Variants in COL22A1 observed in about 807,000 individuals in gnomAD.
The protein encoded by COL22A1 is collagen alpha-1(XXII) chain.
In COL22A1, 221 loss-of-function variants were observed where a neutral mutation model predicts 248.9. The ratio of observed to expected loss-of-function variants is 0.89; its 90% CI spans 0.80 to 0.99. COL22A1 has a LOEUF of 0.99. COL22A1 is among the 50% of genes least tolerant of loss of function. The pLI is 0.00. For synonymous variants in COL22A1, 891 were observed against 793.4 expected (o/e 1.12, Z -2.07); for missense variants, 2,240 against 2,179.0 (o/e 1.03, Z -0.56).
At chr8:138,806,927 G>A (rs548404173) in intron 10 of COL22A1, among the ~76,000 whole-genome samples, 30 of 152,296 alleles carry the variant, frequency 2.0e-4, no homozygotes, top group East Asian at 1.9e-4. Context: ...GGCATGTGAC[G>A]GTCAGGTCCT....
At chr8:138,807,919 T>A in intron 9 of COL22A1, 107 bp from the exon 10 acceptor site, 1 of 1,142,214 alleles carries the variant, frequency 8.8e-7, no homozygotes, top group Non-Finnish European at 1.3e-6. Flanking sequence ...AATGGCTTAG[T>A]AAGCCCAGCG....
At chr8:138,696,863 T>C (rs1189680933) in intron 32 of COL22A1, among the ~76,000 whole-genome samples, 1 of 152,222 alleles carries the variant, frequency 6.6e-6, no homozygotes, top group Non-Finnish European at 1.5e-5. Context: ...AATACCATTA[T>C]TTCTAGCATG....
chr8:138,860,659 T>C (rs1279380430), intron 3 of COL22A1, among the ~76,000 whole-genome samples: 1 of 152,018 alleles, frequency 6.6e-6, no homozygotes, highest in African/African-American at 2.4e-5. Context: ...AATGCACACA[T>C]TAGCATGGCA....
chr8:138,677,522 C>T (rs1056634199), intron 40 of COL22A1, among the ~76,000 whole-genome samples: 3 of 96,342 alleles, frequency 3.1e-5, no homozygotes, highest in African/African-American at 1.5e-4. Context: ...ACGCCTTATT[C>T]GTAATTTCAA....
At position 138,841,829 on chromosome 8, in the gene COL22A1, A is replaced by G. The variant is rs142437959; in HGVS notation, c.733+2255T>C. On this transcript the variant is annotated intron_variant, in intron 4 of 64. Transcript: ENST00000303045. ...CTTTCAACTCTTCCAGCCACCAAGT[A>G]GATGCAATGACAGCAAAAGTGCTAT... Among the ~76,000 whole-genome samples the G allele has an allele frequency of 4.1e-3, 620 of 152,326 alleles. 2 individuals are homozygous for G. The highest frequency in any genetic ancestry group is 0.014 in the African/African-American group (590 of 41,582).
Position 138,720,585 on chromosome 8 carries a change from C to G in COL22A1, c.2355+154G>C, listed in dbSNP as rs1829795943. The stretch of plus-strand genomic sequence containing the variant: ...TCATGTTGTCATCCTGGTTGGAGCC[C>G]TTAACCCTGCCCCTTTTCAAGTATC... On this transcript the variant is annotated intron_variant, in intron 27 of 64. Coordinates refer to ENST00000303045, the MANE Select transcript of COL22A1 (RefSeq NM_152888.3). Among the ~76,000 whole-genome samples the G allele has an allele frequency of 3.9e-5, 6 of 152,226 alleles. No homozygotes were observed. The South Asian group carries it at 1.2e-3, about 32-fold the overall frequency.
At chr8:138,804,055 T>A (rs1365767478) in intron 10 of COL22A1, among the ~76,000 whole-genome samples, 1 of 152,154 alleles carries the variant, frequency 6.6e-6, no homozygotes, top group African/African-American at 2.4e-5. Context: ...GGCCCCTCTA[T>A]CCTGACTCTC....
intron 45 of COL22A1, among the ~76,000 whole-genome samples, chr8:138,653,568 G>C (rs1348401919): frequency 6.6e-6 from 1 of 152,128 alleles, no homozygotes; most frequent in African/African-American, 2.4e-5. Context: ...TAATATTTCT[G>C]CAAGGGTAAT....
Position 138,655,826 on chromosome 8 carries a change from C to T in COL22A1, c.3333+71G>A, listed in dbSNP as rs1823200767. ...AATAGTTGTTCAAAAAAAACCCCAA[C>T]TTATTATCAAGATCTCCAATCCCGC... is the stretch of plus-strand genomic sequence containing the variant. On this transcript the variant is annotated intron_variant, in intron 45 of 64. Coordinates refer to ENST00000303045, the MANE Select transcript of COL22A1 (RefSeq NM_152888.3). 4 of 1,319,096 alleles carry T rather than the reference C, an allele frequency of 3.0e-6. No homozygotes were observed. The Admixed American group carries it at 6.9e-5, about 23-fold the overall frequency. 81.7% of individuals were successfully genotyped at this position (1,319,096 alleles called of 1,614,324 possible).
intron 27 of COL22A1, among the ~76,000 whole-genome samples, chr8:138,717,632 TA>T (rs990344655): frequency 3.3e-5 from 5 of 151,428 alleles, no homozygotes; most frequent in African/African-American, 9.7e-5. Flanking sequence ...CACAAATGAT[TA>T]AAAAAAAATT....
rs375000959 is a variant in COL22A1, at chr8:138,662,010, C to T, written c.3240+20G>A. On this transcript the variant is annotated intron_variant, in intron 43 of 64. Coordinates refer to ENST00000303045, the MANE Select transcript of COL22A1 (RefSeq NM_152888.3). ...CATGTAAGGGCCTTCACTGAGTCCA[C>T]GCCATTTCTCTGTACTTACGTCCCG... 49 of 1,604,504 alleles carry T rather than the reference C, an allele frequency of 3.1e-5. No individual in the cohort carries two copies. The highest frequency in any genetic ancestry group is 1.9e-4 in the Admixed American group (11 of 59,098).
At chr8:138,701,417 T>C (rs564616576) in intron 31 of COL22A1, among the ~76,000 whole-genome samples, 1 of 152,208 alleles carries the variant, frequency 6.6e-6, no homozygotes, top group South Asian at 2.1e-4. Flanking sequence ...TAAACCACAA[T>C]ACATTAAAAA....
chr8:138,841,188 C>CA (rs1416334989), intron 4 of COL22A1, among the ~76,000 whole-genome samples: 1 of 152,140 alleles, frequency 6.6e-6, no homozygotes, highest in Non-Finnish European at 1.5e-5. Context: ...TTCATATATC[C>CA]ATCCATTCAT....
At chr8:138,879,150 G>A (rs917783817) in intron 2 of COL22A1, among the ~76,000 whole-genome samples, 2 of 152,142 alleles carry the variant, frequency 1.3e-5, no homozygotes, top group Admixed American at 6.5e-5. Flanking sequence ...GAATGGGACT[G>A]TACCAGACAC....
intron 53 of COL22A1, among the ~76,000 whole-genome samples, chr8:138,618,339 T>C (rs1819499556): frequency 6.6e-6 from 1 of 152,218 alleles, no homozygotes; most frequent in East Asian, 1.9e-4. Context: ...CAGAGGAGCT[T>C]GGTCTTCTTT....
At chr8:138,709,007 C>T (rs1202205306) in intron 30 of COL22A1, among the ~76,000 whole-genome samples, 2 of 152,162 alleles carry the variant, frequency 1.3e-5, no homozygotes, top group Non-Finnish European at 2.9e-5. Flanking sequence ...CAAAAGAAGA[C>T]ATTTATGCAG....
chr8:138,656,265 T>C (rs1823251037), intron 44 of COL22A1, among the ~76,000 whole-genome samples: 1 of 152,050 alleles, frequency 6.6e-6, no homozygotes, highest in Non-Finnish European at 1.5e-5. Flanking sequence ...ACCTGATAGG[T>C]CATATGAGTA....
intron 55 of COL22A1, among the ~76,000 whole-genome samples, chr8:138,614,826 G>A (rs10094887): frequency 0.62 from 94,639 of 152,044 alleles, 32,278 homozygotes; most frequent in Middle Eastern, 0.81. Flanking sequence ...TGTGAACTAG[G>A]TCAGATTTCT....
intron 16 of COL22A1, among the ~76,000 whole-genome samples, chr8:138,766,002 C>T (rs775474808): frequency 1.8e-4 from 28 of 152,202 alleles, no homozygotes; most frequent in Admixed American, 1.3e-3. Flanking sequence ...GCCCTATGGC[C>T]CCCTGAGTGT....
Sources: allele counts gnomAD v4.1 joint callset (sites outside exome capture counted in the v4.1 genomes callset), GRCh38; gene constraint gnomAD v4.1.1; transcripts MANE v1.5; gene names NCBI Gene and HGNC (gene_info 2026-07-23, HGNC 2026-07-21).